The following OR5D16 variants were observed in gnomAD, a reference collection of about 807,000 sequenced individuals.
The protein encoded by OR5D16 is olfactory receptor family 5 subfamily D member 16.
For synonymous variants in OR5D16, 185 were observed against 153.2 expected, an observed-to-expected ratio of 1.21 and a Z score of -1.53; for missense variants, 477 against 385.5, an observed-to-expected ratio of 1.24 and a Z score of -1.99.
Position 55,839,064 on chromosome 11 carries a change from T to C in OR5D16, c.313T>C (p.Phe105Leu), listed in dbSNP as rs1367734568. Residue 105 changes from phenylalanine to leucine, a missense_variant, in exon 1 of 1, where the codon TTC becomes CTC. Phe to Leu is a conservative substitution (Grantham distance 22). Transcript: ENST00000378396. ...CTCAGGATGTTTGGTGCAATTCTTT[T>C]TCTTTTGCACCTTTGTAGTGACTGA... Reference protein sequence around the residue: ...SFSGCLVQFFFFCTFVVTELI... With the variant: ...SFSGCLVQFFLFCTFVVTELI... The C allele has an allele frequency of 6.2e-7, 1 of 1,614,072 alleles. No homozygotes were observed. The highest frequency in any genetic ancestry group is 1.1e-5 in the South Asian group (1 of 91,088).
rs770778989 is a variant in OR5D16, at chr11:55,838,783, A to C, written c.32A>C (p.Glu11Ala). 2 of 1,611,998 alleles carry C rather than the reference A, an allele frequency of 1.2e-6. No individual in the cohort carries two copies. The highest frequency in any genetic ancestry group is 1.7e-6 in the Non-Finnish European group (2 of 1,179,074). The change falls in exon 1 of 1, where the codon GAG (glutamate) becomes GCG (alanine). Residue 11 changes from glutamate (E) to alanine (A), a missense_variant. Transcript: ENST00000378396. ...CTGACAGAGAGAAATACGACATCTGAGGCCACATTCACTCTCTTGGGCTTC... is the reference window on the plus strand; with the variant it reads ...CTGACAGAGAGAAATACGACATCTGCGGCCACATTCACTCTCTTGGGCTTC... MFLTERNTTS[E>A]ATFTLLGFSD...
chr11:55,839,724 G>A lies in OR5D16; in HGVS notation c.973G>A (p.Val325Ile). Residue 325 changes from valine (V) to isoleucine (I), a missense_variant, in exon 1 of 1, where the codon GTT becomes ATT. By Grantham distance (29) the Val-to-Ile change is conservative. Transcript: ENST00000378396. ...TAGGCATTGGTATCCATTTAATTTT[G>A]TTATTGAACAATAAATTTTTCCTGT... ...KHRHWYPFNF[V>I]IEQ The A allele has an allele frequency of 6.4e-7, 1 of 1,572,010 alleles. No homozygotes were observed. Among genetic ancestry groups the A allele is most frequent in the Non-Finnish European group, 8.7e-7 (1 of 1,151,266 alleles).
rs746124717 is a variant in OR5D16 at position 55,839,325 on chromosome 11, C to T, written c.574C>T (p.Pro192Ser). 5 of 1,613,572 alleles carry T rather than the reference C, an allele frequency of 3.1e-6. No homozygotes were observed. In the African/African-American group the frequency reaches 5.4e-5, roughly 17 times the overall value. ...ELSSLISLSY[P>S]DSYLSQLLLF... ...ATCCTCCCTGATATCACTCTCTTAC[C>T]CTGACTCTTATCTCAGCCAGTTGCT... is the stretch of plus-strand genomic sequence containing the variant. The change falls in exon 1 of 1, where the codon CCT becomes TCT. Residue 192 changes from proline (P) to serine (S), a missense_variant. Pro to Ser is a moderately conservative substitution (Grantham distance 74, BLOSUM62 -1). Transcript: ENST00000378396.
Position 55,838,957 on chromosome 11 carries a change from C to G in OR5D16, c.206C>G (p.Ser69Cys), listed in dbSNP as rs746589263. Reference protein sequence around the residue: ...TPMYFFLNHLSFVDFCYSSII... With the variant: ...TPMYFFLNHLCFVDFCYSSII... The stretch of plus-strand genomic sequence containing the variant: ...ATGTATTTTTTCCTCAACCACCTCT[C>G]CTTTGTGGATTTCTGCTATTCCTCC... The change falls in exon 1 of 1, where the codon TCC becomes TGC. Residue 69 changes from serine (S) to cysteine (C), a missense_variant. Transcript: ENST00000378396. The G allele has an allele frequency of 1.2e-6, 2 of 1,614,026 alleles. No homozygotes were observed. Among genetic ancestry groups the G allele is most frequent in the Non-Finnish European group, 1.7e-6 (2 of 1,179,946 alleles).
rs148923372 is a variant in OR5D16 at position 55,839,235 on chromosome 11, G to A, written c.484G>A (p.Ala162Thr). Residue 162 changes from alanine (A) to threonine (T), a missense_variant, in exon 1 of 1, where the codon GCG becomes ACG. By Grantham distance (58) the Ala-to-Thr change is moderately conservative (BLOSUM62 0). Coordinates refer to ENST00000378396, the MANE Select transcript of OR5D16 (RefSeq NM_001005496.1). ...GGGAGTCGCATGTTCCCTGACACTC[G>A]CGTGCTCTGCTTTAAAGTTATCTTT... Reference protein sequence around the residue: ...AWGVACSLTLACSALKLSFHG... With the variant: ...AWGVACSLTLTCSALKLSFHG... 1,235 of 1,613,870 alleles carry A rather than the reference G, an allele frequency of 7.7e-4. 1 individual carries two copies. The highest frequency in any genetic ancestry group is 1.0e-3 in the Non-Finnish European group (1,183 of 1,179,948).
In OR5D16 at chr11:55,839,578, CCT is replaced by C; in HGVS notation, c.830_831del (p.Ser277CysfsTer20). The C allele has an allele frequency of 6.2e-7, 1 of 1,614,016 alleles. No individual in the cohort carries two copies. The highest frequency in any genetic ancestry group is 8.5e-7 in the Non-Finnish European group (1 of 1,179,940). On this transcript the variant is annotated frameshift_variant, in exon 1 of 1. Coordinates refer to ENST00000378396, the MANE Select transcript of OR5D16 (RefSeq NM_001005496.1). LOFTEE classifies it low-confidence loss of function (END_TRUNC). The stretch of plus-strand genomic sequence containing the variant: ...AACTCCAGGCACACAGTCAAAGTGG[CCT>C]CTGTGTTTTACACCGTGGTGATCCC...
At position 55,838,823 on chromosome 11, in the gene OR5D16, A is replaced by G; in HGVS notation, c.72A>G (p.Glu24=). 1 of 1,613,688 alleles carries G rather than the reference A, an allele frequency of 6.2e-7. No homozygotes were observed. Among genetic ancestry groups the G allele is most frequent in the Non-Finnish European group, 8.5e-7 (1 of 1,179,696 alleles). The change falls in exon 1 of 1, where the codon GAA becomes GAG. Residue 24 remains glutamate, a synonymous_variant. Transcript: ENST00000378396. ...FTLLGFSDYL[E]LQIPLFFVFL... ...TCTTGGGCTTCTCAGATTACCTGGAACTGCAAATTCCCCTCTTCTTTGTAT... is the reference window on the plus strand; with the variant it reads ...TCTTGGGCTTCTCAGATTACCTGGAGCTGCAAATTCCCCTCTTCTTTGTAT...
chr11:55,838,930 C>T lies in OR5D16; in HGVS notation c.179C>T (p.Pro60Leu), dbSNP rs1337401087. 5.0e-6 allele frequency: 8 copies of T among 1,613,802 alleles called. No homozygotes were observed. The Admixed American group carries it at 1.3e-4, about 27-fold the overall frequency. ...AAAATTAACCCAAAATTGCATACCCCCATGTATTTTTTCCTCAACCACCTC... is the reference window on the plus strand; with the variant it reads ...AAAATTAACCCAAAATTGCATACCCTCATGTATTTTTTCCTCAACCACCTC... ...IIKINPKLHT[P>L]MYFFLNHLSF... is the part of the protein sequence containing the mutation. Residue 60 changes from proline to leucine, a missense_variant, in exon 1 of 1, where the codon CCC becomes CTC. By Grantham distance (98) the Pro-to-Leu change is moderately conservative. Coordinates refer to ENST00000378396, the MANE Select transcript of OR5D16 (RefSeq NM_001005496.1).
In OR5D16 at chr11:55,839,238, T is replaced by TG; in HGVS notation, c.488dup (p.Cys163TrpfsTer20). The TG allele has an allele frequency of 6.2e-7, 1 of 1,614,064 alleles. No homozygotes were observed. The highest frequency in any genetic ancestry group is 8.5e-7 in the Non-Finnish European group (1 of 1,179,976). ...AGTCGCATGTTCCCTGACACTCGCGTGCTCTGCTTTAAAGTTATCTTTTCA... is the reference window on the plus strand; with the variant it reads ...AGTCGCATGTTCCCTGACACTCGCGTGGCTCTGCTTTAAAGTTATCTTTTCA... On this transcript the variant is annotated frameshift_variant, in exon 1 of 1. Transcript: ENST00000378396. LOFTEE classifies it low-confidence loss of function (END_TRUNC).
rs763600585 is a variant in OR5D16, at chr11:55,839,267, T to G, written c.516T>G (p.Gly172=). ...CTGCTTTAAAGTTATCTTTTCATGGTTTCAACACAATCAATCATTTCTTCT... is the reference window on the plus strand; with the variant it reads ...CTGCTTTAAAGTTATCTTTTCATGGGTTCAACACAATCAATCATTTCTTCT... The part of the protein sequence containing the change: ...ACSALKLSFH[G]FNTINHFFCE... The change falls in exon 1 of 1, where the codon GGT becomes GGG. Residue 172 remains glycine (G), a synonymous_variant. Transcript: ENST00000378396. The G allele has an allele frequency of 6.2e-7, 1 of 1,614,010 alleles. No individual in the cohort carries two copies. Among genetic ancestry groups the G allele is most frequent in the East Asian group, 2.2e-5 (1 of 44,870 alleles).
At position 55,838,916 on chromosome 11, in the gene OR5D16, A is replaced by T; in HGVS notation, c.165A>T (p.Pro55=). 6.2e-7 allele frequency: 1 copy of T among 1,613,978 alleles called. No individual in the cohort carries two copies. ...LGMIVIIKIN[P]KLHTPMYFFL... ...TGATAGTGATCATCAAAATTAACCC[A>T]AAATTGCATACCCCCATGTATTTTT... The change falls in exon 1 of 1, where the codon CCA becomes CCT. Residue 55 remains proline, a synonymous_variant. Coordinates refer to ENST00000378396, the MANE Select transcript of OR5D16 (RefSeq NM_001005496.1).
chr11:55,838,974 T>C lies in OR5D16; in HGVS notation c.223T>C (p.Tyr75His). ...LNHLSFVDFC[Y>H]SSIIAPMMLV... ...CCACCTCTCCTTTGTGGATTTCTGCTATTCCTCCATCATTGCTCCCATGAT... is the reference window on the plus strand; with the variant it reads ...CCACCTCTCCTTTGTGGATTTCTGCCATTCCTCCATCATTGCTCCCATGAT... The change falls in exon 1 of 1, where the codon TAT becomes CAT. Residue 75 changes from tyrosine to histidine, a missense_variant. Coordinates refer to ENST00000378396, the MANE Select transcript of OR5D16 (RefSeq NM_001005496.1). 2.5e-6 allele frequency: 4 copies of C among 1,614,122 alleles called. No individual in the cohort carries two copies. Among genetic ancestry groups the C allele is most frequent in the Non-Finnish European group, 3.4e-6 (4 of 1,179,972 alleles).
In OR5D16 at chr11:55,838,778, A is replaced by T. The variant is rs1426099873; in HGVS notation, c.27A>T (p.Thr9=). Reference sequence around the variant, plus strand: ...TGTTTCTGACAGAGAGAAATACGACATCTGAGGCCACATTCACTCTCTTGG... The same window carrying T: ...TGTTTCTGACAGAGAGAAATACGACTTCTGAGGCCACATTCACTCTCTTGG... MFLTERNT[T]SEATFTLLGF... is the part of the protein sequence containing the mutation. The change falls in exon 1 of 1, where the codon ACA becomes ACT. Residue 9 remains threonine (T), a synonymous_variant. Coordinates refer to ENST00000378396, the MANE Select transcript of OR5D16 (RefSeq NM_001005496.1). 2 of 1,611,388 alleles carry T rather than the reference A, an allele frequency of 1.2e-6. No homozygotes were observed. Among genetic ancestry groups the T allele is most frequent in the Non-Finnish European group, 1.7e-6 (2 of 1,178,982 alleles).
rs1365750380 is a variant in OR5D16 at position 55,839,091 on chromosome 11, T to C, written c.340T>C (p.Leu114=). 6.2e-7 allele frequency: 1 copy of C among 1,614,084 alleles called. No individual in the cohort carries two copies. ...FFFCTFVVTE[L]ILFAVMAYDH... ...CTTTTGCACCTTTGTAGTGACTGAATTAATTCTATTTGCGGTGATGGCCTA... is the reference window on the plus strand; with the variant it reads ...CTTTTGCACCTTTGTAGTGACTGAACTAATTCTATTTGCGGTGATGGCCTA... Residue 114 remains leucine, a synonymous_variant, in exon 1 of 1, where the codon TTA becomes CTA. Transcript: ENST00000378396.
At position 55,839,307 on chromosome 11, in the gene OR5D16, C is replaced by T. The variant is rs1196050842; in HGVS notation, c.556C>T (p.Leu186=). 4.3e-6 allele frequency: 7 copies of T among 1,613,718 alleles called. No homozygotes were observed. The Admixed American group carries it at 6.7e-5, about 15-fold the overall frequency. ...INHFFCELSS[L]ISLSYPDSYL... ...TCATTTCTTCTGTGAGTTATCCTCC[C>T]TGATATCACTCTCTTACCCTGACTC... The change falls in exon 1 of 1, where the codon CTG becomes TTG. Residue 186 remains leucine, a synonymous_variant. Coordinates refer to ENST00000378396, the MANE Select transcript of OR5D16 (RefSeq NM_001005496.1).
chr11:55,839,308 T>G lies in OR5D16; in HGVS notation c.557T>G (p.Leu186Arg). ...INHFFCELSS[L>R]ISLSYPDSYL... is the part of the protein sequence containing the mutation. ...CATTTCTTCTGTGAGTTATCCTCCC[T>G]GATATCACTCTCTTACCCTGACTCT... The change falls in exon 1 of 1, where the codon CTG (leucine) becomes CGG (arginine). Residue 186 changes from leucine to arginine, a missense_variant. Transcript: ENST00000378396. 6.2e-7 allele frequency: 1 copy of G among 1,613,652 alleles called. No individual in the cohort carries two copies. The highest frequency in any genetic ancestry group is 8.5e-7 in the Non-Finnish European group (1 of 1,179,608).
chr11:55,838,954 T>G lies in OR5D16; in HGVS notation c.203T>G (p.Leu68Arg), dbSNP rs924476017. Residue 68 changes from leucine (L) to arginine (R), a missense_variant, in exon 1 of 1, where the codon CTC becomes CGC. By Grantham distance (102) the Leu-to-Arg change is moderately radical. Coordinates refer to ENST00000378396, the MANE Select transcript of OR5D16 (RefSeq NM_001005496.1). The part of the protein sequence containing the change: ...HTPMYFFLNH[L>R]SFVDFCYSSI... Reference sequence around the variant, plus strand: ...CCCATGTATTTTTTCCTCAACCACCTCTCCTTTGTGGATTTCTGCTATTCC... The same window carrying G: ...CCCATGTATTTTTTCCTCAACCACCGCTCCTTTGTGGATTTCTGCTATTCC... 1 of 1,613,996 alleles carries G rather than the reference T, an allele frequency of 6.2e-7. No individual in the cohort carries two copies. Among genetic ancestry groups the G allele is most frequent in the East Asian group, 2.2e-5 (1 of 44,872 alleles).
Position 55,838,977 on chromosome 11 carries a change from T to G in OR5D16, c.226T>G (p.Ser76Ala), listed in dbSNP as rs1329795566. The G allele has an allele frequency of 6.2e-7, 1 of 1,613,982 alleles. No individual in the cohort carries two copies. Among genetic ancestry groups the G allele is most frequent in the Non-Finnish European group, 8.5e-7 (1 of 1,179,972 alleles). Residue 76 changes from serine (S) to alanine (A), a missense_variant, in exon 1 of 1, where the codon TCC becomes GCC. Ser to Ala is a moderately conservative substitution (Grantham distance 99). Transcript: ENST00000378396. The part of the protein sequence containing the change: ...NHLSFVDFCY[S>A]SIIAPMMLVN... ...CCTCTCCTTTGTGGATTTCTGCTAT[T>G]CCTCCATCATTGCTCCCATGATGCT...
chr11:55,839,263 A>G lies in OR5D16; in HGVS notation c.512A>G (p.His171Arg). 1 of 1,613,910 alleles carries G rather than the reference A, an allele frequency of 6.2e-7. No homozygotes were observed. The highest frequency in any genetic ancestry group is 8.5e-7 in the Non-Finnish European group (1 of 1,179,954). ...TGCTCTGCTTTAAAGTTATCTTTTC[A>G]TGGTTTCAACACAATCAATCATTTC... ...LACSALKLSF[H>R]GFNTINHFFC... Residue 171 changes from histidine (H) to arginine (R), a missense_variant, in exon 1 of 1, where the codon CAT becomes CGT. Coordinates refer to ENST00000378396, the MANE Select transcript of OR5D16 (RefSeq NM_001005496.1).
Sources: gnomAD v4.1 joint callset for allele counts on GRCh38, gnomAD v4.1.1 for gene constraint, MANE v1.5 for transcripts, NCBI Gene and HGNC (gene_info 2026-07-23, HGNC 2026-07-21) for gene names.